The following MYH11 variants were observed in gnomAD, a reference collection of about 807,000 sequenced individuals.
MYH11 encodes myosin-11.
A neutral mutation model predicts 246.6 loss-of-function variants in MYH11; 80 were observed. That is an observed-to-expected ratio of 0.32 (90% CI 0.27 to 0.39). The LOEUF (loss-of-function observed/expected upper bound fraction) is 0.39. MYH11 is among the 10% of genes least tolerant of loss of function. MYH11 has a pLI of 1.00. For missense variants in MYH11, 2,158 were observed against 2,546.8 expected (o/e 0.85, Z 3.29); for synonymous variants, 1,071 against 1,015.5 (o/e 1.05, Z -1.04).
chr16:15,716,847 C>T (rs2040177043), intron 38 of MYH11, among the ~76,000 whole-genome samples: 1 of 152,156 alleles, frequency 6.6e-6, no homozygotes, highest in Non-Finnish European at 1.5e-5. Context: ...CATGCTATCC[C>T]TGCAGAGGCT....
chr16:15,754,549 T>C (rs919947827), intron 14 of MYH11, among the ~76,000 whole-genome samples: 1 of 152,216 alleles, frequency 6.6e-6, no homozygotes, highest in African/African-American at 2.4e-5. Context: ...GTTGTCTCTA[T>C]ATGCTTAAAG....
chr16:15,786,413 G>GC, intron 5 of MYH11: 1 of 751,714 alleles, frequency 1.3e-6, no homozygotes, highest in Non-Finnish European at 2.4e-6. Context: ...CACAAAACGG[G>GC]CCCCCTTCTG....
chr16:15,721,899 C>A (rs2040506674), intron 31 of MYH11, among the ~76,000 whole-genome samples: 1 of 151,966 alleles, frequency 6.6e-6, no homozygotes, highest in Non-Finnish European at 1.5e-5. Context: ...ACTTTGTCAC[C>A]CAGGCTGGAG....
intron 2 of MYH11, among the ~76,000 whole-genome samples, chr16:15,827,022 A>AG (rs1488377756): frequency 3.4e-5 from 5 of 145,396 alleles, no homozygotes; most frequent in African/African-American, 1.3e-4. Flanking sequence ...AAAAAAAAAA[A>AG]GGAAACAGGA....
chr16:15,818,805 G>A (rs2043328369), intron 3 of MYH11, among the ~76,000 whole-genome samples: 1 of 152,172 alleles, frequency 6.6e-6, no homozygotes, highest in Admixed American at 6.5e-5. Flanking sequence ...ATAGACGAGG[G>A]CATAGCAGGT....
intron 27 of MYH11, among the ~76,000 whole-genome samples, chr16:15,729,732 G>A (rs2040904483): frequency 6.6e-6 from 1 of 151,914 alleles, no homozygotes; most frequent in Non-Finnish European, 1.5e-5. Flanking sequence ...TGTATTTTTA[G>A]TAGAGACGGG....
intron 1 of MYH11, among the ~76,000 whole-genome samples, chr16:15,843,188 G>T (rs2044100343): frequency 1.3e-5 from 2 of 151,878 alleles, no homozygotes; most frequent in South Asian, 2.1e-4. Context: ...TGGTCAACAT[G>T]GGAAAACCCT....
intron 33 of MYH11, 55 bp downstream of exon 33, chr16:15,720,784 A>G: frequency 1.3e-6 from 2 of 1,548,780 alleles, no homozygotes; most frequent in South Asian, 2.2e-5. Context: ...GAGTGGTGAT[A>G]GGAATGAAAA....
intron 32 of MYH11, 84 bp downstream of exon 32, chr16:15,721,338 G>A: frequency 6.9e-7 from 1 of 1,455,098 alleles, no homozygotes; most frequent in Non-Finnish European, 9.6e-7. Flanking sequence ...AAAAGGCCAG[G>A]AGCTAGCCTC....
At chr16:15,847,531 G>A (rs1376387542) in intron 1 of MYH11, among the ~76,000 whole-genome samples, 1 of 152,210 alleles carries the variant, frequency 6.6e-6, no homozygotes, top group Non-Finnish European at 1.5e-5. Flanking sequence ...TGGGATTACA[G>A]GCATGAGCCG....
At chr16:15,764,861 C>T (rs947779204) in intron 9 of MYH11, among the ~76,000 whole-genome samples, 8 of 152,226 alleles carry the variant, frequency 5.3e-5, no homozygotes, top group Non-Finnish European at 1.2e-4. Flanking sequence ...CTGGGTGTAA[C>T]AGATGCCCAT....
At chr16:15,851,180 G>A (rs61583443) in intron 1 of MYH11, among the ~76,000 whole-genome samples, 1 of 152,122 alleles carries the variant, frequency 6.6e-6, no homozygotes, top group Non-Finnish European at 1.5e-5. Context: ...CTCGCTCAAG[G>A]CCTGGTCCAG....
At chr16:15,717,023 C>T in intron 38 of MYH11, 117 bp downstream of exon 38, 1 of 1,115,458 alleles carries the variant, frequency 9.0e-7, no homozygotes, top group Non-Finnish European at 1.4e-6. Context: ...GTAGGCATCA[C>T]AGAGCTTGCT....
chr16:15,855,565 T>C (rs1301716419), intron 1 of MYH11, among the ~76,000 whole-genome samples: 3 of 152,222 alleles, frequency 2.0e-5, no homozygotes, highest in Admixed American at 1.3e-4. Flanking sequence ...ACAGGCATCA[T>C]AAAGCCTTTC....
At chr16:15,776,252 C>G (rs1037339474) in intron 7 of MYH11, 76 bp from the exon 8 acceptor site, 2 of 974,126 alleles carry the variant, frequency 2.1e-6, no homozygotes, top group Non-Finnish European at 3.3e-6. Flanking sequence ...CCCTGTCACA[C>G]CCAATTCACA....
At chr16:15,713,967 G>C (rs563762640) in intron 40 of MYH11, 2 of 152,520 alleles carry the variant, frequency 1.3e-5, no homozygotes, top group South Asian at 4.1e-4. Context: ...GGTGGCACCA[G>C]GCAGACAATG....
chr16:15,748,029 C>A lies in MYH11; in HGVS notation c.2180+18G>T. The stretch of plus-strand genomic sequence containing the variant: ...CCGCTCACCCCCTGCCCTACCTGGG[C>A]CAGACCTTGGGACTTACCGTTGGCG... On this transcript the variant is annotated intron_variant, in intron 17 of 40. Coordinates refer to ENST00000300036, the MANE Select transcript of MYH11 (RefSeq NM_002474.3). 6.2e-7 allele frequency: 1 copy of A among 1,614,210 alleles called. No individual in the cohort carries two copies. The highest frequency in any genetic ancestry group is 8.5e-7 in the Non-Finnish European group (1 of 1,180,032).
intron 1 of MYH11, among the ~76,000 whole-genome samples, chr16:15,850,337 A>G (rs1481906585): frequency 2.0e-5 from 3 of 152,156 alleles, no homozygotes; most frequent in African/African-American, 7.2e-5. Context: ...GTGAGCTGAG[A>G]TCCCATCACT....
chr16:15,855,222 C>A (rs1015553907), intron 1 of MYH11, among the ~76,000 whole-genome samples: 1 of 152,202 alleles, frequency 6.6e-6, no homozygotes, highest in African/African-American at 2.4e-5. Context: ...AGCTAGTTCA[C>A]GTTCTGGACT....
Sources: gnomAD v4.1 joint callset for allele counts (sites outside exome capture counted in the v4.1 genomes callset) on GRCh38, gnomAD v4.1.1 for gene constraint, MANE v1.5 for transcripts, NCBI Gene and HGNC (gene_info 2026-07-23, HGNC 2026-07-21) for gene names.